Variants in WDR33 observed in about 807,000 individuals in gnomAD.
WDR33 encodes the protein WD repeat domain 33.
In WDR33, 47 loss-of-function variants were observed where a neutral mutation model predicts 164.9. The ratio of observed to expected loss-of-function variants is 0.29; its 90% confidence interval spans 0.23 to 0.36. The LOEUF is 0.36. Ranked by LOEUF, WDR33 falls within the 10% of genes least tolerant of loss-of-function variation. WDR33 has a pLI of 1.00. For missense variants in WDR33, 1,137 were observed against 1,754.1 expected, an observed-to-expected ratio of 0.65 and a Z score of 6.28; for synonymous variants, 505 against 589.0, an observed-to-expected ratio of 0.86 and a Z score of 2.06.
Position 127,764,275 on chromosome 2 carries a change from C to T in WDR33, c.626+553G>A. 4.0e-6 allele frequency: 5 copies of T among 1,255,328 alleles called. No individual in the cohort carries two copies. The highest frequency in any genetic ancestry group is 5.0e-6 in the Non-Finnish European group (5 of 998,418). The allele number at this position is 1,255,328 out of a possible 1,614,324, so 77.8% of individuals were successfully genotyped here. A position where few individuals can be genotyped will look rare whatever the true frequency, so the allele number is the denominator to read the frequency against. ...CTTCTTGACAATGATCTGCTTACAGCTGCAAAGCTTGAAGAACCCATTCAT... is the reference window on the plus strand; with the variant it reads ...CTTCTTGACAATGATCTGCTTACAGTTGCAAAGCTTGAAGAACCCATTCAT... On this transcript the variant is annotated intron_variant, in intron 6 of 21. Transcript: ENST00000322313. This position sits in a 1 kb window ranked among gnomAD's most constrained non-coding sequence, Gnocchi z 6.2.
intron 7 of WDR33, among the ~76,000 whole-genome samples, chr2:127,758,516 T>C (rs1278030136): frequency 6.6e-6 from 1 of 152,204 alleles, no homozygotes; most frequent in Non-Finnish European, 1.5e-5. Context: ...ACTTACAATA[T>C]GCCTTACAAT....
chr2:127,725,329 A>C (rs978539762), intron 8 of WDR33, 114 bp from the exon 9 acceptor site: 1 of 1,028,270 alleles, frequency 9.7e-7, no homozygotes, highest in African/African-American at 1.6e-5. Context: ...GCCTAGAAGC[A>C]ATAAAGCCTG....
intron 1 of WDR33, among the ~76,000 whole-genome samples, chr2:127,773,883 C>T (rs1688094770): frequency 1.3e-5 from 2 of 152,110 alleles, no homozygotes; most frequent in East Asian, 3.9e-4. Flanking sequence ...CCCACCTCAG[C>T]CTCCTGAGTA....
intron 7 of WDR33, among the ~76,000 whole-genome samples, chr2:127,749,802 T>C (rs1212338445): frequency 6.6e-6 from 1 of 151,904 alleles, no homozygotes; most frequent in African/African-American, 2.4e-5. Context: ...AAACTCTCCA[T>C]CATACTGAGT....
rs201886981 is a variant in WDR33 at position 127,763,142 on chromosome 2, T to C, written c.644A>G (p.Asn215Ser). ...IREASFSPTD[N>S]KFATCSDDGT... ...GTCATCAGAGCATGTAGCAAATTTA[T>C]TATCCGTGGGTGAGAAACTGTTACA... The change falls in exon 7 of 22, where the codon AAT (asparagine) becomes AGT (serine). Residue 215 changes from asparagine (N) to serine (S), a missense_variant. Asn to Ser is a conservative substitution (Grantham distance 46, BLOSUM62 1). Around this residue, in one of 9 missense-constraint regions of WDR33, gnomAD observed 83 missense variants for 189.2 expected, o/e 0.44. Transcript: ENST00000322313. The surrounding 1 kb of genome is among the most constrained non-coding windows in gnomAD (Gnocchi z 4.5). 3.1e-6 allele frequency: 5 copies of C among 1,614,060 alleles called. No homozygotes were observed. Among genetic ancestry groups the C allele is most frequent in the East Asian group, 4.5e-5 (2 of 44,864 alleles).
In WDR33 at chr2:127,701,591, G is replaced by T; in HGVS notation, c.*4732C>A. The T allele has an allele frequency of 7.4e-7, 1 of 1,358,512 alleles. No individual in the cohort carries two copies. 84.2% of individuals were successfully genotyped at this position (1,358,512 alleles called of 1,614,324 possible). A position where few individuals can be genotyped will look rare whatever the true frequency, so the allele number is the denominator to read the frequency against. The stretch of plus-strand genomic sequence containing the variant: ...CGCAGGGGAAAGCTGGCGGCCCGGC[G>T]GCCGCGGAGCCGCTGCTCGCCGCGG... On this transcript the variant is annotated 3_prime_UTR_variant, in exon 22 of 22. Coordinates refer to ENST00000322313, the MANE Select transcript of WDR33 (RefSeq NM_018383.5).
intron 1 of WDR33, among the ~76,000 whole-genome samples, chr2:127,783,599 CTTTTTTTTTTTTTTTT>C (rs35345585): frequency 1.2e-5 from 1 of 84,414 alleles, no homozygotes; most frequent in Non-Finnish European, 2.2e-5. Flanking sequence ...TTCAGGACTC[CTTTTTTTTTTTTTTTT>C]TTTTTTTTTG....
At chr2:127,752,428 A>C (rs1687395107) in intron 7 of WDR33, among the ~76,000 whole-genome samples, 2 of 151,638 alleles carry the variant, frequency 1.3e-5, no homozygotes, top group African/African-American at 4.8e-5. Flanking sequence ...GTCTCTACTA[A>C]AAATACAAAA....
rs1316785713 is a variant in WDR33 at position 127,723,943 on chromosome 2, G to A, written c.1196+390C>T. 6.6e-6 allele frequency among the ~76,000 whole-genome samples: 1 copy of A among 152,044 alleles called. No individual in the cohort carries two copies. Among genetic ancestry groups the A allele is most frequent in the Non-Finnish European group, 1.5e-5 (1 of 68,016 alleles). On this transcript the variant is annotated intron_variant, in intron 11 of 21. Transcript: ENST00000322313. This position sits in a 1 kb window ranked among gnomAD's most constrained non-coding sequence, Gnocchi z 5.9. ...AATGCAAAAATTAGCCAGGTGTGGT[G>A]GTGTGCTCCTATAGTCTCAGCTACT...
At position 127,764,500 on chromosome 2, in the gene WDR33, GA is replaced by G; in HGVS notation, c.626+327del. ...AAAGACTGAATTCTTTATTTGGAAT[GA>G]AATATTCTTGTCTTACACAGTAGAT... is the stretch of plus-strand genomic sequence containing the variant. On this transcript the variant is annotated intron_variant, in intron 6 of 21. Transcript: ENST00000322313. This position sits in a 1 kb window ranked among gnomAD's most constrained non-coding sequence, Gnocchi z 6.2. 2.0e-6 allele frequency: 3 copies of G among 1,491,386 alleles called. No individual in the cohort carries two copies. Among genetic ancestry groups the G allele is most frequent in the Non-Finnish European group, 2.7e-6 (3 of 1,123,408 alleles). The allele number at this position is 1,491,386 out of a possible 1,614,324, so 92.4% of individuals were successfully genotyped here. A position where few individuals can be genotyped will look rare whatever the true frequency, so the allele number is the denominator to read the frequency against.
chr2:127,717,916 G>A lies in WDR33; in HGVS notation c.2761-653C>T, dbSNP rs1382456817. Among the ~76,000 whole-genome samples the A allele has an allele frequency of 2.6e-5, 4 of 152,100 alleles. No individual in the cohort carries two copies. The East Asian group carries it at 7.7e-4, about 29-fold the overall frequency. On this transcript the variant is annotated intron_variant, in intron 16 of 21. Coordinates refer to ENST00000322313, the MANE Select transcript of WDR33 (RefSeq NM_018383.5). This position sits in a 1 kb window ranked among gnomAD's most constrained non-coding sequence, Gnocchi z 5.6. Reference sequence around the variant, plus strand: ...TTTTTAATCCTCCAAAATGAAAACTGTTAATTTACTACCAGAAAGTTAGGA... The same window carrying A: ...TTTTTAATCCTCCAAAATGAAAACTATTAATTTACTACCAGAAAGTTAGGA...
chr2:127,790,688 GC>G (rs1688813376), intron 1 of WDR33, among the ~76,000 whole-genome samples: 1 of 152,086 alleles, frequency 6.6e-6, no homozygotes, highest in Admixed American at 6.6e-5. Context: ...ACAGTTCACT[GC>G]AGCCTCGAAC....
At position 127,708,902 on chromosome 2, in the gene WDR33, G is replaced by T. The variant is rs1686084007; in HGVS notation, c.3566-10C>A. The T allele has an allele frequency of 1.9e-6, 3 of 1,542,910 alleles. No individual in the cohort carries two copies. Among genetic ancestry groups the T allele is most frequent in the East Asian group, 2.3e-5 (1 of 43,746 alleles). ...TGTTCATGACCTGGCCCTGAAACAA[G>T]AAACAAATCTCCTTACAGGAAAGCA... On this transcript the variant is annotated splice_polypyrimidine_tract_variant and intron_variant, in intron 20 of 21. Coordinates refer to ENST00000322313, the MANE Select transcript of WDR33 (RefSeq NM_018383.5). This position sits in a 1 kb window ranked among gnomAD's most constrained non-coding sequence, Gnocchi z 6.7.
In WDR33 at chr2:127,701,938, G is replaced by A. The variant is rs1256915313; in HGVS notation, c.*4385C>T. ...GGCGCGGCGTGCGGACGCCTGCTGC[G>A]CTGCGAAGAAGCGCCGTCCCGGCCC... On this transcript the variant is annotated 3_prime_UTR_variant, in exon 22 of 22. Coordinates refer to ENST00000322313, the MANE Select transcript of WDR33 (RefSeq NM_018383.5). The A allele has an allele frequency of 1.5e-5, 22 of 1,422,556 alleles. No homozygotes were observed. Among genetic ancestry groups the A allele is most frequent in the South Asian group, 2.8e-5 (2 of 71,408 alleles). 88.1% of individuals were successfully genotyped at this position (1,422,556 alleles called of 1,614,324 possible).
intron 2 of WDR33, among the ~76,000 whole-genome samples, chr2:127,769,596 C>T (rs935578097): frequency 2.0e-5 from 3 of 152,158 alleles, no homozygotes; most frequent in Non-Finnish European, 4.4e-5. Context: ...CCTTCAAAGC[C>T]CTCAGCACAA....
At position 127,719,419 on chromosome 2, in the gene WDR33, A is replaced by G. The variant is rs376907743; in HGVS notation, c.2606T>C (p.Leu869Ser). ...QSQQGPPQGS[L>S]GPPPQGGMQG... ...CATGCCACCCTGGGGTGGAGGTCCT[A>G]AAGAGCCCTGGGGCGGCCCCTGCTG... Residue 869 changes from leucine to serine, a missense_variant, in exon 16 of 22, where the codon TTA becomes TCA. This residue lies in a region of WDR33 where 867 missense variants were observed against 1,073.0 expected (regional missense o/e 0.81). Coordinates refer to ENST00000322313, the MANE Select transcript of WDR33 (RefSeq NM_018383.5). The surrounding 1 kb of genome is among the most constrained non-coding windows in gnomAD (Gnocchi z 6.5). 1 of 1,542,396 alleles carries G rather than the reference A, an allele frequency of 6.5e-7. No individual in the cohort carries two copies. The highest frequency in any genetic ancestry group is 8.7e-7 in the Non-Finnish European group (1 of 1,146,772).
intron 1 of WDR33, among the ~76,000 whole-genome samples, chr2:127,793,518 A>T (rs1029825799): frequency 6.6e-6 from 1 of 151,972 alleles, no homozygotes; most frequent in Non-Finnish European, 1.5e-5. Context: ...AGGCAGGAGG[A>T]TCACTTGAGG....
At position 127,782,747 on chromosome 2, in the gene WDR33, C is replaced by T. The variant is rs111957330; in HGVS notation, c.-23-11743G>A. ...AGCAGGAGCCAGGAGCGGTGGCTCACGCCTGCAATCCCAACACTTTGGGAG... is the reference window on the plus strand; with the variant it reads ...AGCAGGAGCCAGGAGCGGTGGCTCATGCCTGCAATCCCAACACTTTGGGAG... On this transcript the variant is annotated intron_variant, in intron 1 of 21. Coordinates refer to ENST00000322313, the MANE Select transcript of WDR33 (RefSeq NM_018383.5). Among the ~76,000 whole-genome samples, 7 of 152,220 alleles carry T rather than the reference C, an allele frequency of 4.6e-5. No individual in the cohort carries two copies. In the South Asian group the frequency reaches 1.5e-3, roughly 32 times the overall value.
chr2:127,805,947 T>C (rs1357034430), intron 1 of WDR33, among the ~76,000 whole-genome samples: 13 of 144,636 alleles, frequency 9.0e-5, no homozygotes, highest in Admixed American at 5.5e-4. Context: ...TAAACTTTTG[T>C]TTAAAAAAAA....
Sources: allele counts gnomAD v4.1 joint callset (sites outside exome capture counted in the v4.1 genomes callset), GRCh38; gene constraint gnomAD v4.1.1; regional missense constraint gnomAD v4.1.1; non-coding constraint Gnocchi (gnomAD v3.1); transcripts MANE v1.5; gene names NCBI Gene and HGNC (gene_info 2026-07-23, HGNC 2026-07-21).